TMEM132D: variants seen among roughly 807,000 people sequenced by gnomAD.
TMEM132D encodes transmembrane protein 132D.
A neutral mutation model predicts 62.3 loss-of-function variants in TMEM132D; 21 were observed. That is an observed-to-expected ratio of 0.34 (90% CI 0.24 to 0.49). TMEM132D has a LOEUF of 0.49. Among genes scored for constraint, TMEM132D ranks in the 20% least tolerant of loss-of-function variants. TMEM132D has a pLI of 0.99. For synonymous variants in TMEM132D, 621 were observed against 575.6 expected, an observed-to-expected ratio of 1.08 and a Z score of -1.13; for missense variants, 1,346 against 1,402.8, an observed-to-expected ratio of 0.96 and a Z score of 0.65.
rs187746811 is a variant in TMEM132D, at chr12:129,148,924, T to C, written c.1443+60596A>G. On this transcript the variant is annotated intron_variant, in intron 5 of 8. Coordinates refer to ENST00000422113, the MANE Select transcript of TMEM132D (RefSeq NM_133448.3). Reference sequence around the variant, plus strand: ...CTGCCTAAACAGCCCCGGATGGCGCTGGCTCCTTTCTTGTAGGAAGGGAGG... The same window carrying C: ...CTGCCTAAACAGCCCCGGATGGCGCCGGCTCCTTTCTTGTAGGAAGGGAGG... Among the ~76,000 whole-genome samples, 31 of 151,576 alleles carry C rather than the reference T, an allele frequency of 2.0e-4. No homozygotes were observed. In the East Asian group the frequency reaches 5.1e-3, roughly 25 times the overall value.
chr12:129,083,470 C>T (rs1418586693), intron 6 of TMEM132D, among the ~76,000 whole-genome samples: 3 of 152,144 alleles, frequency 2.0e-5, no homozygotes, highest in Admixed American at 6.5e-5. Flanking sequence ...GCAGCGCCAA[C>T]GGTCATTCTC....
In TMEM132D at chr12:129,700,705, G is replaced by T. The variant is rs2137228123; in HGVS notation, c.80-7C>A. The T allele has an allele frequency of 6.3e-7, 1 of 1,598,986 alleles. No homozygotes were observed. On this transcript the variant is annotated splice_region_variant and splice_polypyrimidine_tract_variant and intron_variant, in intron 1 of 8. Transcript: ENST00000422113. ...ATCCCTCGACCTTCCGTCACTGTGG[G>T]GAGGGAATCGCAGTGCAGGCGTTAG... is the stretch of plus-strand genomic sequence containing the variant.
At chr12:129,290,794 C>A (rs542316177) in intron 4 of TMEM132D, among the ~76,000 whole-genome samples, 1 of 152,258 alleles carries the variant, frequency 6.6e-6, no homozygotes, top group East Asian at 1.9e-4. Flanking sequence ...TTGACCTCAA[C>A]TGAATGATCT....
intron 1 of TMEM132D, among the ~76,000 whole-genome samples, chr12:129,751,198 C>T (rs1449634656): frequency 6.6e-6 from 1 of 152,120 alleles, no homozygotes; most frequent in Admixed American, 6.5e-5. Context: ...TCCTCAGGCT[C>T]TACAGGAATC....
chr12:129,692,435 C>A (rs1593122272), intron 2 of TMEM132D, among the ~76,000 whole-genome samples: 1 of 151,874 alleles, frequency 6.6e-6, no homozygotes, highest in African/African-American at 2.4e-5. Context: ...GTAGGTGCTG[C>A]ACATTAGATC....
In TMEM132D at chr12:129,820,816, TG is replaced by T. The variant is rs1407816474; in HGVS notation, c.79+82444del. ...GTTGCCCAGGCTGGCCTCAAACTCG[TG>T]GGCTCAAGCCATCCTCCTGCCTTGG... is the stretch of plus-strand genomic sequence containing the variant. On this transcript the variant is annotated intron_variant, in intron 1 of 8. Coordinates refer to ENST00000422113, the MANE Select transcript of TMEM132D (RefSeq NM_133448.3). Among the ~76,000 whole-genome samples, 6 of 152,310 alleles carry T rather than the reference TG, an allele frequency of 3.9e-5. No homozygotes were observed. In the East Asian group the frequency reaches 1.2e-3, roughly 29 times the overall value.
chr12:129,127,840 C>T (rs1342402586), intron 5 of TMEM132D, among the ~76,000 whole-genome samples: 1 of 152,244 alleles, frequency 6.6e-6, no homozygotes, highest in African/African-American at 2.4e-5. Flanking sequence ...GATTCACCTT[C>T]TAACTGCACT....
At chr12:129,408,560 G>T (rs1331611439) in intron 3 of TMEM132D, among the ~76,000 whole-genome samples, 4 of 150,756 alleles carry the variant, frequency 2.7e-5, no homozygotes, top group South Asian at 2.1e-4. Context: ...TTTTCTTGAG[G>T]TTATTCTTTG....
intron 1 of TMEM132D, among the ~76,000 whole-genome samples, chr12:129,797,309 A>G (rs867910387): frequency 2.4e-4 from 36 of 152,288 alleles, no homozygotes; most frequent in African/African-American, 8.4e-4. Context: ...TGCCCTTTGG[A>G]ATAATTTCCC....
chr12:129,500,667 C>T (rs193279374), intron 3 of TMEM132D, among the ~76,000 whole-genome samples: 31 of 152,262 alleles, frequency 2.0e-4, no homozygotes, highest in South Asian at 6.2e-4. Flanking sequence ...CACAATGACC[C>T]GCTTTTCCTC....
At chr12:129,204,549 C>T (rs1044518876) in intron 5 of TMEM132D, among the ~76,000 whole-genome samples, 1 of 152,178 alleles carries the variant, frequency 6.6e-6, no homozygotes, top group Non-Finnish European at 1.5e-5. Flanking sequence ...AAATCTACAA[C>T]TCACTGGTAT....
rs369268144 is a variant in TMEM132D, at chr12:129,751,226, AG to A, written c.80-50529del. Among the ~76,000 whole-genome samples the A allele has an allele frequency of 5.6e-4, 86 of 152,318 alleles. 2 individuals carry two copies. The East Asian group carries it at 0.015, about 27-fold the overall frequency. On this transcript the variant is annotated intron_variant, in intron 1 of 8. Transcript: ENST00000422113. Reference sequence around the variant, plus strand: ...CAGGAATCATGACTGGGGGAGCCTCAGGAAACTTACAATCATGGTGGGAGGC... The same window carrying A: ...CAGGAATCATGACTGGGGGAGCCTCAGAAACTTACAATCATGGTGGGAGGC...
intron 2 of TMEM132D, among the ~76,000 whole-genome samples, chr12:129,542,527 T>C (rs115607978): frequency 0.015 from 2,278 of 152,216 alleles, 64 homozygotes; most frequent in African/African-American, 0.052. Flanking sequence ...ATGGCATGAA[T>C]GGGGATATAA....
intron 1 of TMEM132D, among the ~76,000 whole-genome samples, chr12:129,786,229 C>A (rs1455398845): frequency 6.6e-6 from 1 of 152,134 alleles, no homozygotes; most frequent in Non-Finnish European, 1.5e-5. Flanking sequence ...ATGGGAGCTG[C>A]AGCGCCCCTG....
intron 3 of TMEM132D, among the ~76,000 whole-genome samples, chr12:129,489,930 A>G (rs577221684): frequency 5.3e-4 from 81 of 152,336 alleles, no homozygotes; most frequent in African/African-American, 1.8e-3. Context: ...ACATCTGTCA[A>G]TAACAGAGAG....
chr12:129,732,809 C>G (rs1457630367), intron 1 of TMEM132D, among the ~76,000 whole-genome samples: 1 of 152,176 alleles, frequency 6.6e-6, no homozygotes, highest in Non-Finnish European at 1.5e-5. Context: ...GCATGGGAAT[C>G]TGGGGCCAGG....
At chr12:129,108,867 A>G (rs886521237) in intron 5 of TMEM132D, among the ~76,000 whole-genome samples, 1 of 152,228 alleles carries the variant, frequency 6.6e-6, no homozygotes, top group Admixed American at 6.5e-5. Flanking sequence ...TCCGTAAGTG[A>G]CATTCTGCTG....
chr12:129,278,496 G>A (rs1218039487), intron 4 of TMEM132D, among the ~76,000 whole-genome samples: 2 of 152,106 alleles, frequency 1.3e-5, no homozygotes, highest in Non-Finnish European at 2.9e-5. Context: ...CTTAACCCCC[G>A]TCTTGCATCC....
rs149783414 is a variant in TMEM132D, at chr12:129,720,328, T to A, written c.80-19630A>T. ...TCACGGAGAGGCAGAACATTCCCAT[T>A]CTGACTGATTCCTAAATATTCAACA... On this transcript the variant is annotated intron_variant, in intron 1 of 8. Coordinates refer to ENST00000422113, the MANE Select transcript of TMEM132D (RefSeq NM_133448.3). 1.8e-3 allele frequency among the ~76,000 whole-genome samples: 270 copies of A among 152,338 alleles called. 3 individuals are homozygous for A. The highest frequency in any genetic ancestry group is 6.2e-3 in the African/African-American group (257 of 41,566).
Sources: allele counts gnomAD v4.1 joint callset (sites outside exome capture counted in the v4.1 genomes callset), GRCh38; gene constraint gnomAD v4.1.1; transcripts MANE v1.5; gene names NCBI Gene and HGNC (gene_info 2026-07-23, HGNC 2026-07-21).